The following TMEM44 variants were observed in gnomAD, a reference collection of about 807,000 sequenced individuals.
TMEM44 encodes the protein transmembrane protein 44.
Under a neutral mutation model 47.8 loss-of-function variants are expected in TMEM44, and 43 were observed. The observed-to-expected ratio is 0.90, with a 90% CI of 0.70 to 1.16. The LOEUF is 1.16. Among genes scored for constraint, TMEM44 ranks in the 50% most tolerant of loss-of-function variants. The probability of loss-of-function intolerance (pLI) is 0.00; values close to 1 mark genes in which losing one functional copy is unlikely to be tolerated. For missense variants in TMEM44, 568 were observed against 555.2 expected, an observed-to-expected ratio of 1.02 and a Z score of -0.23; for synonymous variants, 277 against 238.8, an observed-to-expected ratio of 1.16 and a Z score of -1.48.
At chr3:194,598,957 G>A (rs1713745261) in intron 9 of TMEM44, among the ~76,000 whole-genome samples, 1 of 152,206 alleles carries the variant, frequency 6.6e-6, no homozygotes, top group South Asian at 2.1e-4. Context: ...AGCCGAGTTG[G>A]TGAGTAACAG....
intron 1 of TMEM44, among the ~76,000 whole-genome samples, chr3:194,630,762 C>T (rs1034818701): frequency 2.0e-5 from 3 of 151,368 alleles, no homozygotes; most frequent in Admixed American, 2.0e-4. Flanking sequence ...GTCGGCGTCA[C>T]TGATGGGGCC....
intron 9 of TMEM44, among the ~76,000 whole-genome samples, chr3:194,603,420 T>C (rs929242404): frequency 9.2e-5 from 14 of 152,060 alleles, no homozygotes; most frequent in African/African-American, 3.1e-4. Context: ...TTTTTTTAGA[T>C]GGAGTCTCGC....
At chr3:194,598,810 G>A (rs1376295340) in intron 9 of TMEM44, among the ~76,000 whole-genome samples, 1 of 152,174 alleles carries the variant, frequency 6.6e-6, no homozygotes, top group Non-Finnish European at 1.5e-5. Flanking sequence ...GCATCCCAGA[G>A]TTAAGGTGCC....
chr3:194,615,392 A>G (rs1396514683), intron 7 of TMEM44, among the ~76,000 whole-genome samples, 177 bp downstream of exon 7: 2 of 152,092 alleles, frequency 1.3e-5, no homozygotes, highest in African/African-American at 2.4e-5. Flanking sequence ...GTTACATGTC[A>G]TGTGTTAGGT....
intron 1 of TMEM44, 103 bp downstream of exon 1, chr3:194,632,976 T>A: frequency 6.9e-7 from 1 of 1,459,132 alleles, no homozygotes; most frequent in South Asian, 1.3e-5. Context: ...GCCATCTCCT[T>A]CATCCCCCTT....
rs1490633331 is a variant in TMEM44, at chr3:194,633,128, A to G, written c.88T>C (p.Phe30Leu). Residue 30 changes from phenylalanine to leucine, a missense_variant, in exon 1 of 10, where the codon TTC (phenylalanine) becomes CTC (leucine). By Grantham distance (22) the Phe-to-Leu change is conservative. Coordinates refer to ENST00000347147, the MANE Select transcript of TMEM44 (RefSeq NM_001011655.3). ...CFARHRVCIS[F>L]GLWICASSCW... ...GAGGAGGCGCAGATCCACAGGCCGA[A>G]GGAGATGCAGACGCGGTGGCGGGCG... is the stretch of plus-strand genomic sequence containing the variant. 1 of 1,551,668 alleles carries G rather than the reference A, an allele frequency of 6.4e-7. No homozygotes were observed. Among genetic ancestry groups the G allele is most frequent in the East Asian group, 2.4e-5 (1 of 41,046 alleles).
chr3:194,593,005 T>C, intron 9 of TMEM44: 1 of 1,612,676 alleles, frequency 6.2e-7, no homozygotes, highest in Non-Finnish European at 8.5e-7. Flanking sequence ...CCATAGGAAG[T>C]CCCTCCTGGA....
At chr3:194,624,886 G>A (rs754596267) in intron 3 of TMEM44, among the ~76,000 whole-genome samples, 28 of 151,828 alleles carry the variant, frequency 1.8e-4, no homozygotes, top group Admixed American at 1.7e-3. Flanking sequence ...GCTAATTTTT[G>A]TATTTTTTTA....
chr3:194,623,193 C>T (rs777052961), intron 5 of TMEM44, 31 bp downstream of exon 5: 38 of 1,574,918 alleles, frequency 2.4e-5, no homozygotes, highest in Non-Finnish European at 3.2e-5. Flanking sequence ...TGTCATGTGA[C>T]CCACAGTCCC....
intron 1 of TMEM44, among the ~76,000 whole-genome samples, chr3:194,630,586 C>T (rs1717695577): frequency 9.7e-6 from 1 of 102,626 alleles, no homozygotes; most frequent in African/African-American, 4.7e-5. Context: ...GTACCTGCCT[C>T]CCGAAGGGGC....
rs373899140 is a variant in TMEM44 at position 194,606,999 on chromosome 3, A to G, written c.1018-2554T>C. 1.1e-3 allele frequency among the ~76,000 whole-genome samples: 169 copies of G among 152,138 alleles called. 1 individual carries two copies. The highest frequency in any genetic ancestry group is 3.9e-3 in the African/African-American group (164 of 41,528). On this transcript the variant is annotated intron_variant, in intron 8 of 9. Coordinates refer to ENST00000347147, the MANE Select transcript of TMEM44 (RefSeq NM_001011655.3). Reference sequence around the variant, plus strand: ...AAAGAAAAAATAAAAATAAAACAAAATAGAAATAATAATAGTATCTCTCTG... The same window carrying G: ...AAAGAAAAAATAAAAATAAAACAAAGTAGAAATAATAATAGTATCTCTCTG...
At chr3:194,614,140 C>CAAAAAAAAAAA (rs1448402968) in intron 7 of TMEM44, among the ~76,000 whole-genome samples, 2 of 151,984 alleles carry the variant, frequency 1.3e-5, no homozygotes, top group East Asian at 3.9e-4. Context: ...CAAAATAAAA[C>CAAAAAAAAAAA]AAAACAAAAC....
intron 2 of TMEM44, 146 bp downstream of exon 2, chr3:194,628,237 G>A: frequency 8.7e-7 from 1 of 1,153,396 alleles, no homozygotes; most frequent in Non-Finnish European, 1.2e-6. Flanking sequence ...GGGGGCAGAA[G>A]GAACAGCCAG....
chr3:194,590,398 C>A (rs1461307722), intron 9 of TMEM44: 2 of 152,220 alleles, frequency 1.3e-5, no homozygotes, highest in African/African-American at 2.4e-5. Flanking sequence ...CCAGCCACTT[C>A]CAGTGAGAAC....
At chr3:194,604,953 T>A (rs887893920) in intron 8 of TMEM44, among the ~76,000 whole-genome samples, 1 of 152,216 alleles carries the variant, frequency 6.6e-6, no homozygotes, top group East Asian at 1.9e-4. Context: ...AGAGGCGGAA[T>A]TGCTGGATTA....
At chr3:194,590,271 G>A (rs3732470) in intron 9 of TMEM44, 2 of 152,192 alleles carry the variant, frequency 1.3e-5, no homozygotes, top group African/African-American at 4.8e-5. Context: ...TAACTGAATC[G>A]AGTACTAATA....
intron 9 of TMEM44, among the ~76,000 whole-genome samples, chr3:194,602,052 T>A (rs941532716): frequency 6.6e-6 from 1 of 152,162 alleles, no homozygotes; most frequent in African/African-American, 2.4e-5. Flanking sequence ...TAGCCTTAGA[T>A]CTCCGCCAAG....
At chr3:194,600,731 C>T (rs916042143) in intron 9 of TMEM44, among the ~76,000 whole-genome samples, 1 of 151,774 alleles carries the variant, frequency 6.6e-6, no homozygotes, top group Admixed American at 6.6e-5. Flanking sequence ...AGCCTGGTGA[C>T]AGAGCAAGAC....
Position 194,628,421 on chromosome 3 carries a change from T to C in TMEM44, c.226A>G (p.Thr76Ala), listed in dbSNP as rs1397859662. The C allele has an allele frequency of 2.5e-6, 4 of 1,611,288 alleles. No individual in the cohort carries two copies. Among genetic ancestry groups the C allele is most frequent in the Non-Finnish European group, 2.5e-6 (3 of 1,178,098 alleles). ...ACCLLTSLCD[T>A]VGALLARQLT... Reference sequence around the variant, plus strand: ...TGTCTGGCCAGAAGAGCCCCGACGGTGTCACACAGACTGGTCAGGAGGCAG... The same window carrying C: ...TGTCTGGCCAGAAGAGCCCCGACGGCGTCACACAGACTGGTCAGGAGGCAG... The change falls in exon 2 of 10, where the codon ACC becomes GCC. Residue 76 changes from threonine (T) to alanine (A), a missense_variant. By Grantham distance (58) the Thr-to-Ala change is moderately conservative. Coordinates refer to ENST00000347147, the MANE Select transcript of TMEM44 (RefSeq NM_001011655.3).
Sources: allele counts gnomAD v4.1 joint callset (sites outside exome capture counted in the v4.1 genomes callset), GRCh38; gene constraint gnomAD v4.1.1; transcripts MANE v1.5; gene names NCBI Gene and HGNC (gene_info 2026-07-23, HGNC 2026-07-21).